The following CCDC178 variants were observed in gnomAD, a reference collection of about 807,000 sequenced individuals.
CCDC178 encodes coiled-coil domain containing 178, also known as coiled-coil domain-containing protein 178.
CCDC178 carries 126 observed loss-of-function variants against 117.4 expected under a neutral mutation model. The ratio of observed to expected loss-of-function variants is 1.07; its 90% CI spans 0.93 to 1.24. CCDC178 has a LOEUF of 1.24. Ranked by LOEUF, CCDC178 falls within the 50% of genes most tolerant of loss-of-function variation. The pLI is 0.00. For missense variants in CCDC178, 1,030 were observed against 986.9 expected, an observed-to-expected ratio of 1.04 and a Z score of -0.59; for synonymous variants, 283 against 313.4, an observed-to-expected ratio of 0.90 and a Z score of 1.02.
Position 33,226,831 on chromosome 18 carries a change from GT to G in CCDC178, c.1617del (p.Lys539AsnfsTer32). On this transcript the variant is annotated frameshift_variant, in exon 16 of 23. Transcript: ENST00000383096. LOFTEE classifies it high-confidence loss of function. The part of the protein sequence containing the change: ...KFKGREEFLK[K>X]LTQGEVAAGM... ...CCAGCAGCCACTTCACCTTGAGTGA[GT>G]TTTTTCAGGAATTCTTCTCTACCCT... 6.3e-7 allele frequency: 1 copy of G among 1,599,562 alleles called. No individual in the cohort carries two copies. The highest frequency in any genetic ancestry group is 1.7e-5 in the Admixed American group (1 of 58,824).
intron 2 of CCDC178, among the ~76,000 whole-genome samples, chr18:33,436,171 CA>C (rs2064287598): frequency 6.6e-6 from 1 of 152,100 alleles, no homozygotes; most frequent in African/African-American, 2.4e-5. Flanking sequence ...TCATAGAAAA[CA>C]AGAGAAAGGA....
chr18:33,311,780 T>G (rs1025688902), intron 11 of CCDC178, among the ~76,000 whole-genome samples: 5 of 152,148 alleles, frequency 3.3e-5, no homozygotes, highest in African/African-American at 1.2e-4. Context: ...CCCAAGGAGC[T>G]ACAACTTTTA....
intron 20 of CCDC178, among the ~76,000 whole-genome samples, chr18:33,138,650 G>A (rs1485390425): frequency 6.6e-6 from 1 of 152,034 alleles, no homozygotes; most frequent in Non-Finnish European, 1.5e-5. Context: ...CTATGTCAAG[G>A]GCTTTATTTC....
At chr18:32,964,165 T>C (rs2054763970) in intron 22 of CCDC178, among the ~76,000 whole-genome samples, 1 of 152,060 alleles carries the variant, frequency 6.6e-6, no homozygotes, top group African/African-American at 2.4e-5. Context: ...CAAAAGGCAC[T>C]TATTCATTAG....
At chr18:33,196,312 T>A (rs2058929505) in intron 20 of CCDC178, among the ~76,000 whole-genome samples, 2 of 152,170 alleles carry the variant, frequency 1.3e-5, no homozygotes, top group African/African-American at 4.8e-5. Context: ...GTATGTATTG[T>A]CACACTTTGT....
At chr18:33,274,251 AATACTG>A (rs1483552550) in intron 12 of CCDC178, among the ~76,000 whole-genome samples, 1 of 151,864 alleles carries the variant, frequency 6.6e-6, no homozygotes, top group Non-Finnish European at 1.5e-5. Flanking sequence ...AAGGACAGAT[AATACTG>A]ATTGTTGCTA....
At chr18:33,047,947 G>A (rs963496506) in intron 21 of CCDC178, among the ~76,000 whole-genome samples, 2 of 152,176 alleles carry the variant, frequency 1.3e-5, no homozygotes, top group Non-Finnish European at 2.9e-5. Flanking sequence ...TGGATAAGCA[G>A]TTTAATTCTG....
chr18:33,250,234 A>T (rs2059604318), intron 14 of CCDC178, among the ~76,000 whole-genome samples: 1 of 151,852 alleles, frequency 6.6e-6, no homozygotes, highest in Admixed American at 6.6e-5. Context: ...TAACTATTTT[A>T]AAAATAGGAC....
At chr18:33,094,626 A>C (rs2057515957) in intron 20 of CCDC178, among the ~76,000 whole-genome samples, 1 of 151,918 alleles carries the variant, frequency 6.6e-6, no homozygotes, top group Middle Eastern at 3.2e-3. Context: ...GCATTTTACC[A>C]ATTTAATGGA....
chr18:33,117,758 T>C (rs561596677), intron 20 of CCDC178, among the ~76,000 whole-genome samples: 15 of 152,092 alleles, frequency 9.9e-5, no homozygotes, highest in Admixed American at 5.9e-4. Context: ...AATCTAGATA[T>C]GGACTTGCCT....
chr18:33,183,899 T>G (rs2058759456), intron 20 of CCDC178, among the ~76,000 whole-genome samples: 1 of 152,104 alleles, frequency 6.6e-6, no homozygotes, highest in Admixed American at 6.6e-5. Context: ...CAATGAAAAA[T>G]TATCTGGGGA....
At chr18:33,429,751 A>T (rs779335126) in intron 2 of CCDC178, among the ~76,000 whole-genome samples, 1 of 152,200 alleles carries the variant, frequency 6.6e-6, no homozygotes, top group Non-Finnish European at 1.5e-5. Flanking sequence ...CCATGTTGTA[A>T]ATCACTTATC....
At chr18:33,033,187 C>A (rs899460281) in intron 21 of CCDC178, among the ~76,000 whole-genome samples, 1 of 151,928 alleles carries the variant, frequency 6.6e-6, no homozygotes, top group African/African-American at 2.4e-5. Context: ...CAACAACCTA[C>A]AAAAGGAATG....
intron 21 of CCDC178, among the ~76,000 whole-genome samples, chr18:33,045,623 T>A (rs1415425596): frequency 6.6e-6 from 1 of 152,222 alleles, no homozygotes. Context: ...TAAATTCTGA[T>A]CTTGATAAAG....
In CCDC178 at chr18:33,161,405, T is replaced by A. The variant is rs12457674; in HGVS notation, c.2238+50491A>T. Reference sequence around the variant, plus strand: ...GACACATTCTATCAGGATTTAGTTCTACACAATATATGAAAAGGCCATTCT... The same window carrying A: ...GACACATTCTATCAGGATTTAGTTCAACACAATATATGAAAAGGCCATTCT... On this transcript the variant is annotated intron_variant, in intron 20 of 22. Transcript: ENST00000383096. 8.1e-3 allele frequency among the ~76,000 whole-genome samples: 1,234 copies of A among 152,216 alleles called. 50 individuals carry two copies. The highest frequency in any genetic ancestry group is 0.07 in the Admixed American group (1,062 of 15,264).
At chr18:33,348,549 C>T (rs181284613) in intron 8 of CCDC178, among the ~76,000 whole-genome samples, 4 of 151,940 alleles carry the variant, frequency 2.6e-5, no homozygotes, top group East Asian at 3.9e-4. Context: ...AACAGCTGTA[C>T]GTGGCTAGTA....
At chr18:33,349,597 T>C (rs2062943819) in intron 7 of CCDC178, among the ~76,000 whole-genome samples, 1 of 151,904 alleles carries the variant, frequency 6.6e-6, no homozygotes, top group Non-Finnish European at 1.5e-5. Context: ...CATCTTTCTC[T>C]GGTGTGATTC....
chr18:33,047,784 A>G (rs1307591985), intron 21 of CCDC178, among the ~76,000 whole-genome samples: 2 of 152,132 alleles, frequency 1.3e-5, no homozygotes, highest in Non-Finnish European at 2.9e-5. Context: ...AATTTTCAGT[A>G]TTTATAATTC....
chr18:33,092,902 T>C lies in CCDC178; in HGVS notation c.2247A>G (p.Ile749Met). 1 of 1,547,430 alleles carries C rather than the reference T, an allele frequency of 6.5e-7. No homozygotes were observed. The highest frequency in any genetic ancestry group is 8.7e-7 in the Non-Finnish European group (1 of 1,145,742). ...QKTLQDTQKI[I>M]ADSLEENLRL... is the part of the protein sequence containing the mutation. ...GCAGATTTTCTTCAAGTGAATCAGC[T>C]ATTATTTTCTAGAAGGTAAAAAAAT... The change falls in exon 21 of 23, where the codon ATA (isoleucine) becomes ATG (methionine). Residue 749 changes from isoleucine to methionine, a missense_variant. By Grantham distance (10) the Ile-to-Met change is conservative (BLOSUM62 1). Transcript: ENST00000383096.
Sources: allele counts gnomAD v4.1 joint callset (sites outside exome capture counted in the v4.1 genomes callset), GRCh38; gene constraint gnomAD v4.1.1; transcripts MANE v1.5; gene names NCBI Gene and HGNC (gene_info 2026-07-23, HGNC 2026-07-21).